Variants in THAP12 observed in about 807,000 individuals in gnomAD.
THAP12 encodes 52 kDa repressor of the inhibitor of the protein kinase.
A neutral mutation model predicts 63.0 loss-of-function variants in THAP12; 20 were observed. That is an observed-to-expected ratio of 0.32 (90% CI 0.22 to 0.46). THAP12 has a LOEUF of 0.46. Among genes scored for constraint, THAP12 ranks in the 20% least tolerant of loss-of-function variants. THAP12 has a pLI of 1.00. For missense variants in THAP12, 568 were observed against 908.2 expected (o/e 0.63, Z 4.81); for synonymous variants, 264 against 328.4 (o/e 0.80, Z 2.12).
chr11:76,370,662 T>C (rs1333184810), intron 1 of THAP12, among the ~76,000 whole-genome samples: 2 of 151,884 alleles, frequency 1.3e-5, no homozygotes, highest in East Asian at 3.9e-4. Context: ...CGCACGTAGC[T>C]CTTCTATGTA....
At chr11:76,380,276 TGAGATGAAA>T (rs1450030097) in intron 1 of THAP12, among the ~76,000 whole-genome samples, 1 of 152,034 alleles carries the variant, frequency 6.6e-6, no homozygotes, top group African/African-American at 2.4e-5. Context: ...GCAGTTGCGA[TGAGATGAAA>T]GAAGGTAGCG....
chr11:76,377,808 T>C (rs1200673470), intron 1 of THAP12, among the ~76,000 whole-genome samples: 5 of 152,200 alleles, frequency 3.3e-5, no homozygotes, highest in Admixed American at 1.3e-4. Flanking sequence ...CTGCCACTTG[T>C]GGTTTTGATT....
chr11:76,377,716 T>A lies in THAP12; in HGVS notation c.89+3032A>T, dbSNP rs1401003081. On this transcript the variant is annotated intron_variant, in intron 1 of 4. Transcript: ENST00000260045. ...CTGCTATGAATGTGTGTACATTTGG[T>A]TTTTTTGAATATCAGTTTGCAATTC... 2.0e-5 allele frequency among the ~76,000 whole-genome samples: 3 copies of A among 152,338 alleles called. 1 individual carries two copies. Among genetic ancestry groups the A allele is most frequent in the Admixed American group, 2.0e-4 (3 of 15,294 alleles).
chr11:76,352,810 T>G lies in THAP12; in HGVS notation c.356-16A>C, dbSNP rs1946536879. ...GTTTCATCAACTGGAAAACAAAGAA[T>G]TAATTTTACAAACAGGCTCATGAAA... On this transcript the variant is annotated splice_polypyrimidine_tract_variant and intron_variant, in intron 4 of 4. Transcript: ENST00000260045. The G allele has an allele frequency of 2.7e-6, 4 of 1,503,472 alleles. No homozygotes were observed. Among genetic ancestry groups the G allele is most frequent in the Non-Finnish European group, 3.5e-6 (4 of 1,127,522 alleles). The allele number at this position is 1,503,472 out of a possible 1,614,324, so 93.1% of individuals were successfully genotyped here. A position where few individuals can be genotyped will look rare whatever the true frequency, so the allele number is the denominator to read the frequency against.
chr11:76,365,142 G>A lies in THAP12; in HGVS notation c.210+710C>T, dbSNP rs564187546. ...CTAAAAGTACAAAAATTAGCTGGGCGTGGTGGCACAATGCCTGTAATCTCA... is the reference window on the plus strand; with the variant it reads ...CTAAAAGTACAAAAATTAGCTGGGCATGGTGGCACAATGCCTGTAATCTCA... On this transcript the variant is annotated intron_variant, in intron 2 of 4. Transcript: ENST00000260045. 9.2e-5 allele frequency among the ~76,000 whole-genome samples: 14 copies of A among 152,094 alleles called. 1 individual carries two copies. In the East Asian group the frequency reaches 2.5e-3, roughly 27 times the overall value.
chr11:76,355,151 G>A (rs1946552716), intron 4 of THAP12, among the ~76,000 whole-genome samples: 1 of 152,216 alleles, frequency 6.6e-6, no homozygotes, highest in Admixed American at 6.5e-5. Flanking sequence ...TCGTCCTTTG[G>A]TGACATAATT....
At chr11:76,358,422 A>G (rs1216182722) in intron 3 of THAP12, 1 of 152,244 alleles carries the variant, frequency 6.6e-6, no homozygotes, top group Admixed American at 6.5e-5. Flanking sequence ...CAGAAAATCC[A>G]TTAGTATTAC....
chr11:76,371,664 G>A (rs778009114), intron 1 of THAP12, among the ~76,000 whole-genome samples: 1 of 148,936 alleles, frequency 6.7e-6, no homozygotes, highest in Admixed American at 6.6e-5. Context: ...CACTTATCTT[G>A]TTGTACTGTC....
At chr11:76,356,068 C>CT (rs1946559028) in intron 3 of THAP12, 2 of 158,308 alleles carry the variant, frequency 1.3e-5, no homozygotes, top group African/African-American at 4.8e-5. Context: ...AATCTCAGGA[C>CT]TCAACACAAA....
chr11:76,371,337 T>C (rs1280672887), intron 1 of THAP12, among the ~76,000 whole-genome samples: 1 of 152,234 alleles, frequency 6.6e-6, no homozygotes, highest in Non-Finnish European at 1.5e-5. Flanking sequence ...TGCTGCTTTT[T>C]ATACACTTCC....
intron 1 of THAP12, among the ~76,000 whole-genome samples, chr11:76,367,163 G>C (rs538333551): frequency 6.6e-6 from 1 of 151,366 alleles, no homozygotes; most frequent in Non-Finnish European, 1.5e-5. Flanking sequence ...TGCAACCTCT[G>C]CTTCCCGGGT....
At chr11:76,369,198 A>G (rs1224781028) in intron 1 of THAP12, among the ~76,000 whole-genome samples, 4 of 151,962 alleles carry the variant, frequency 2.6e-5, no homozygotes, top group Non-Finnish European at 5.9e-5. Context: ...ACAAATTACT[A>G]CATACCCACA....
rs535118482 is a variant in THAP12 at position 76,350,698 on chromosome 11, G to C, written c.*166C>G. 74 of 571,938 alleles carry C rather than the reference G, an allele frequency of 1.3e-4. No individual in the cohort carries two copies. Among genetic ancestry groups the C allele is most frequent in the Non-Finnish European group, 1.9e-4 (71 of 364,982 alleles). The allele number at this position is 571,938 out of a possible 1,614,324, so 35.4% of individuals were successfully genotyped here. A position where few individuals can be genotyped will look rare whatever the true frequency, so the allele number is the denominator to read the frequency against. Reference sequence around the variant, plus strand: ...CTGGAAGAACAGGTAGGTCTTCAAAGCTTGAGAGTTCAAACAGGGGCCATT... The same window carrying C: ...CTGGAAGAACAGGTAGGTCTTCAAACCTTGAGAGTTCAAACAGGGGCCATT... On this transcript the variant is annotated 3_prime_UTR_variant, in exon 5 of 5. Coordinates refer to ENST00000260045, the MANE Select transcript of THAP12 (RefSeq NM_004705.4).
At chr11:76,372,179 C>T (rs1297805030) in intron 1 of THAP12, among the ~76,000 whole-genome samples, 1 of 152,026 alleles carries the variant, frequency 6.6e-6, no homozygotes, top group East Asian at 1.9e-4. Context: ...GTCTCAAACT[C>T]CCGGGCTCAA....
intron 1 of THAP12, 126 bp downstream of exon 1, chr11:76,380,622 C>T: frequency 1.5e-6 from 1 of 676,754 alleles, no homozygotes; most frequent in East Asian, 4.2e-5. Flanking sequence ...CTGGGGTCGA[C>T]GGCAGTGCGC....
chr11:76,362,265 T>C (rs1337162535), intron 2 of THAP12, among the ~76,000 whole-genome samples: 1 of 152,240 alleles, frequency 6.6e-6, no homozygotes, highest in Non-Finnish European at 1.5e-5. Flanking sequence ...CAGTGATTAT[T>C]TCAAAATATC....
At chr11:76,378,257 A>G (rs984566980) in intron 1 of THAP12, among the ~76,000 whole-genome samples, 1 of 144,926 alleles carries the variant, frequency 6.9e-6, no homozygotes, top group Non-Finnish European at 1.5e-5. Flanking sequence ...CGTCTTGACT[A>G]AAAAAAAATA....
At chr11:76,373,382 C>A (rs1843777375) in intron 1 of THAP12, among the ~76,000 whole-genome samples, 1 of 149,916 alleles carries the variant, frequency 6.7e-6, no homozygotes, top group Admixed American at 6.6e-5. Context: ...ACTATTATTA[C>A]AACTCACCCC....
chr11:76,360,707 T>A (rs1250382399), intron 3 of THAP12, among the ~76,000 whole-genome samples: 1 of 152,238 alleles, frequency 6.6e-6, no homozygotes, highest in Non-Finnish European at 1.5e-5. Flanking sequence ...GCTAGTGGCC[T>A]GTAATTAACA....
Sources: allele counts gnomAD v4.1 joint callset (sites outside exome capture counted in the v4.1 genomes callset), GRCh38; gene constraint gnomAD v4.1.1; transcripts MANE v1.5; gene names NCBI Gene and HGNC (gene_info 2026-07-23, HGNC 2026-07-21).